PIP4K2A: variants seen among roughly 807,000 people sequenced by gnomAD.
PIP4K2A encodes the protein phosphatidylinositol 5-phosphate 4-kinase type-2 alpha.
Under a neutral mutation model 42.9 loss-of-function variants are expected in PIP4K2A, and 14 were observed. That is an observed-to-expected ratio of 0.33 (90% confidence interval 0.22 to 0.51). PIP4K2A has a LOEUF of 0.51. Ranked by LOEUF, PIP4K2A falls within the 20% of genes least tolerant of loss-of-function variation. PIP4K2A has a pLI of 0.97. For missense variants in PIP4K2A, 434 were observed against 519.8 expected, an observed-to-expected ratio of 0.83 and a Z score of 1.61; for synonymous variants, 192 against 192.2, an observed-to-expected ratio of 1.00 and a Z score of 0.01.
At chr10:22,637,240 T>C (rs1246879848) in intron 1 of PIP4K2A, among the ~76,000 whole-genome samples, 1 of 152,198 alleles carries the variant, frequency 6.6e-6, no homozygotes, top group Non-Finnish European at 1.5e-5. Flanking sequence ...ACTAAGCACC[T>C]TTGTCAGTAT....
intron 1 of PIP4K2A, among the ~76,000 whole-genome samples, chr10:22,694,902 T>C (rs1437647619): frequency 6.6e-6 from 1 of 152,186 alleles, no homozygotes; most frequent in Non-Finnish European, 1.5e-5. Context: ...TCCACAAAAA[T>C]GGAAATTTAC....
chr10:22,677,722 C>T (rs1295299069), intron 1 of PIP4K2A, among the ~76,000 whole-genome samples: 1 of 152,220 alleles, frequency 6.6e-6, no homozygotes, highest in Non-Finnish European at 1.5e-5. Context: ...AAACTATTCA[C>T]TTAGCTTACT....
intron 1 of PIP4K2A, among the ~76,000 whole-genome samples, chr10:22,614,948 G>C (rs1013399791): frequency 6.6e-6 from 1 of 152,028 alleles, no homozygotes; most frequent in Non-Finnish European, 1.5e-5. Flanking sequence ...TAGCGCTCTG[G>C]GCTGTGAACT....
At chr10:22,626,606 A>G (rs926119332) in intron 1 of PIP4K2A, among the ~76,000 whole-genome samples, 7 of 152,120 alleles carry the variant, frequency 4.6e-5, no homozygotes, top group Non-Finnish European at 1.0e-4. Context: ...TTTTCACTTT[A>G]GGTTTTAGCA....
At chr10:22,591,314 ACTT>A (rs1837505774) in intron 4 of PIP4K2A, among the ~76,000 whole-genome samples, 1 of 152,254 alleles carries the variant, frequency 6.6e-6, no homozygotes, top group African/African-American at 2.4e-5. Flanking sequence ...ACAGGCAAAA[ACTT>A]CTGCAAAGTT....
intron 1 of PIP4K2A, among the ~76,000 whole-genome samples, chr10:22,641,435 A>AT (rs998795271): frequency 1.4e-4 from 21 of 150,656 alleles, no homozygotes; most frequent in Middle Eastern, 3.4e-3. Flanking sequence ...ATACCTGATC[A>AT]TTTTTTTTTC....
intron 1 of PIP4K2A, among the ~76,000 whole-genome samples, chr10:22,635,353 G>C (rs1026981075): frequency 1.3e-5 from 2 of 152,058 alleles, no homozygotes; most frequent in Non-Finnish European, 2.9e-5. Context: ...TGTCTGGAAG[G>C]GCTTTGTGGG....
rs140621647 is a variant in PIP4K2A at position 22,565,132 on chromosome 10, T to C, written c.678+2719A>G. 1.4e-4 allele frequency among the ~76,000 whole-genome samples: 21 copies of C among 152,256 alleles called. No individual in the cohort carries two copies. In the East Asian group the frequency reaches 3.5e-3, roughly 25 times the overall value. On this transcript the variant is annotated intron_variant, in intron 6 of 9. Coordinates refer to ENST00000376573, the MANE Select transcript of PIP4K2A (RefSeq NM_005028.5). ...CTGCTGGGCTTGTTCTAGACATGCT[T>C]CTCTTCTCCACACACTCCTCCTGGG... is the stretch of plus-strand genomic sequence containing the variant.
At chr10:22,571,567 G>A (rs1417269166) in intron 5 of PIP4K2A, among the ~76,000 whole-genome samples, 2 of 152,114 alleles carry the variant, frequency 1.3e-5, no homozygotes, top group African/African-American at 4.8e-5. Context: ...GCATGCCTTG[G>A]CAAAATCACA....
chr10:22,641,370 TTGACA>T (rs1420296150), intron 1 of PIP4K2A, among the ~76,000 whole-genome samples: 2 of 152,330 alleles, frequency 1.3e-5, no homozygotes, highest in Non-Finnish European at 2.9e-5. Flanking sequence ...CACGCTGACA[TTGACA>T]TAAGAGTGAA....
At chr10:22,633,335 G>C (rs1431378243) in intron 1 of PIP4K2A, among the ~76,000 whole-genome samples, 1 of 152,190 alleles carries the variant, frequency 6.6e-6, no homozygotes, top group South Asian at 2.1e-4. Flanking sequence ...AGCTGCTTAC[G>C]AGGTAGATGG....
intron 4 of PIP4K2A, among the ~76,000 whole-genome samples, chr10:22,585,734 G>A (rs1479832348): frequency 1.3e-5 from 2 of 151,872 alleles, no homozygotes; most frequent in African/African-American, 2.4e-5. Context: ...CTGAGCAGCT[G>A]GGACTACAGG....
intron 6 of PIP4K2A, among the ~76,000 whole-genome samples, chr10:22,553,256 C>T (rs1464792958): frequency 3.3e-5 from 5 of 152,204 alleles, no homozygotes; most frequent in Admixed American, 6.5e-5. Context: ...GAATCTAACA[C>T]TGGCCTACAG....
intron 7 of PIP4K2A, among the ~76,000 whole-genome samples, chr10:22,544,122 C>T (rs568248363): frequency 2.6e-5 from 4 of 152,218 alleles, no homozygotes; most frequent in East Asian, 1.9e-4. Flanking sequence ...CAGCTGGCAT[C>T]GGAGGCCCTC....
At chr10:22,653,583 C>T (rs2130817199) in intron 1 of PIP4K2A, among the ~76,000 whole-genome samples, 1 of 152,290 alleles carries the variant, frequency 6.6e-6, no homozygotes, top group South Asian at 2.1e-4. Flanking sequence ...TTTGGAATTT[C>T]CAAAATTGCT....
intron 1 of PIP4K2A, among the ~76,000 whole-genome samples, chr10:22,613,686 C>T (rs377302575): frequency 2.6e-5 from 4 of 152,242 alleles, no homozygotes; most frequent in Admixed American, 6.5e-5. Flanking sequence ...GCTGGGCTTC[C>T]GGGCAGAGCT....
intron 1 of PIP4K2A, among the ~76,000 whole-genome samples, chr10:22,679,487 T>C (rs541553273): frequency 6.6e-6 from 1 of 152,324 alleles, no homozygotes; most frequent in East Asian, 1.9e-4. Context: ...AATTATACAG[T>C]TGCTTTGGCC....
intron 4 of PIP4K2A, among the ~76,000 whole-genome samples, chr10:22,587,041 C>T (rs1837411152): frequency 6.6e-6 from 1 of 152,170 alleles, no homozygotes; most frequent in Non-Finnish European, 1.5e-5. Context: ...CAAGTCCTTG[C>T]TCTTGAACCA....
chr10:22,705,348 T>C (rs983613485), intron 1 of PIP4K2A, among the ~76,000 whole-genome samples: 2 of 148,804 alleles, frequency 1.3e-5, no homozygotes, highest in African/African-American at 5.0e-5. Context: ...ACTCCCTTTA[T>C]GTTCCTCTGT....
Sources: gnomAD v4.1 joint callset for allele counts (sites outside exome capture counted in the v4.1 genomes callset) on GRCh38, gnomAD v4.1.1 for gene constraint, MANE v1.5 for transcripts, NCBI Gene and HGNC (gene_info 2026-07-23, HGNC 2026-07-21) for gene names.